STPG4: variants seen among roughly 807,000 people sequenced by gnomAD.
The protein encoded by STPG4 is protein STPG4.
STPG4 carries 41 observed loss-of-function variants against 31.5 expected under a neutral mutation model. The ratio of observed to expected loss-of-function variants is 1.30; its 90% CI spans 1.01 to 1.69. The LOEUF is 1.69. STPG4 is among the 40% of genes most tolerant of loss of function. The pLI, the probability that STPG4 is intolerant of heterozygous loss-of-function variation, is 0.00. For missense variants in STPG4, 375 were observed against 293.4 expected (o/e 1.28, Z -2.03); for synonymous variants, 141 against 103.0 (o/e 1.37, Z -2.24).
At chr2:47,090,497 G>C (rs932955316) in intron 5 of STPG4, 123 bp from the exon 6 acceptor site, 4 of 667,078 alleles carry the variant, frequency 6.0e-6, no homozygotes, top group Non-Finnish European at 1.0e-5. Flanking sequence ...CCCATATTTG[G>C]TCTCGAGAGA....
At chr2:47,120,544 G>T (rs998537652) in intron 5 of STPG4, among the ~76,000 whole-genome samples, 1 of 146,826 alleles carries the variant, frequency 6.8e-6, no homozygotes, top group Non-Finnish European at 1.5e-5. Context: ...TCCAGCCTGG[G>T]CGAAAGAGCA....
At chr2:47,148,289 AG>A (rs1686867463) in intron 3 of STPG4, among the ~76,000 whole-genome samples, 1 of 152,034 alleles carries the variant, frequency 6.6e-6, no homozygotes, top group Admixed American at 6.6e-5. Flanking sequence ...TACGGGTGAA[AG>A]GGTTGAAAAA....
intron 5 of STPG4, among the ~76,000 whole-genome samples, chr2:47,107,482 G>T (rs958124928): frequency 2.1e-4 from 32 of 152,292 alleles, no homozygotes; most frequent in Admixed American, 1.4e-3. Flanking sequence ...CCAGTGCTGC[G>T]CTCGGTTTCT....
At chr2:47,087,670 G>T (rs1034520667) in intron 6 of STPG4, among the ~76,000 whole-genome samples, 7 of 152,218 alleles carry the variant, frequency 4.6e-5, no homozygotes, top group Non-Finnish European at 1.0e-4. Context: ...GGTCAGAAGT[G>T]TTCTCAAGGG....
chr2:47,117,475 C>T (rs1195344388), intron 5 of STPG4, among the ~76,000 whole-genome samples: 1 of 152,144 alleles, frequency 6.6e-6, no homozygotes, highest in African/African-American at 2.4e-5. Context: ...TCCTAAAGTG[C>T]TGGGATAACA....
chr2:47,116,812 C>T (rs771703226), intron 5 of STPG4, among the ~76,000 whole-genome samples: 18 of 152,174 alleles, frequency 1.2e-4, no homozygotes, highest in Non-Finnish European at 4.4e-5. Context: ...AAATCCTCCA[C>T]AAAACATTTC....
Position 47,153,884 on chromosome 2 carries a change from C to T in STPG4, c.82-868G>A, listed in dbSNP as rs1327024587. On this transcript the variant is annotated intron_variant, in intron 1 of 6. Coordinates refer to ENST00000445927, the MANE Select transcript of STPG4 (RefSeq NM_001163561.2). ...ACATCCCATTTGCCAAGTTAAGAAGCTGATTATTTTGGTATTCCTCAGTTT... is the reference window on the plus strand; with the variant it reads ...ACATCCCATTTGCCAAGTTAAGAAGTTGATTATTTTGGTATTCCTCAGTTT... Among the ~76,000 whole-genome samples, 3 of 152,146 alleles carry T rather than the reference C, an allele frequency of 2.0e-5. No homozygotes were observed. In the South Asian group the frequency reaches 6.2e-4, roughly 31 times the overall value.
Position 47,155,302 on chromosome 2 carries a change from C to T in STPG4, c.-51G>A. 2.5e-6 allele frequency: 4 copies of T among 1,595,868 alleles called. No individual in the cohort carries two copies. The highest frequency in any genetic ancestry group is 8.6e-7 in the Non-Finnish European group (1 of 1,164,614). The stretch of plus-strand genomic sequence containing the variant: ...AACCTGAGCTCCGGTTGCTAGGAGG[C>T]GGGTGTGGCCCGTGGGCTCCCGAGC... On this transcript the variant is annotated 5_prime_UTR_variant, in exon 1 of 7. Transcript: ENST00000445927.
intron 5 of STPG4, among the ~76,000 whole-genome samples, chr2:47,123,547 A>G (rs749494317): frequency 6.6e-6 from 1 of 152,190 alleles, no homozygotes; most frequent in African/African-American, 2.4e-5. Context: ...AAGGAAGGGG[A>G]CAGCAAATTT....
At chr2:47,123,734 C>T (rs1217959124) in intron 5 of STPG4, among the ~76,000 whole-genome samples, 1 of 152,090 alleles carries the variant, frequency 6.6e-6, no homozygotes, top group East Asian at 1.9e-4. Flanking sequence ...TCATTCAGAG[C>T]TTATCTACTA....
chr2:47,124,620 G>T (rs1268479081), intron 5 of STPG4, among the ~76,000 whole-genome samples: 1 of 152,080 alleles, frequency 6.6e-6, no homozygotes, highest in African/African-American at 2.4e-5. Context: ...ATTTCTTATG[G>T]CTGTGTAGTA....
At chr2:47,087,795 T>C (rs921132872) in intron 6 of STPG4, among the ~76,000 whole-genome samples, 5 of 152,308 alleles carry the variant, frequency 3.3e-5, no homozygotes, top group African/African-American at 1.2e-4. Flanking sequence ...GTTGCTAGGC[T>C]GGAGTGTAGT....
intron 3 of STPG4, among the ~76,000 whole-genome samples, chr2:47,150,819 C>T (rs1264254754): frequency 6.6e-6 from 1 of 151,942 alleles, no homozygotes; most frequent in African/African-American, 2.4e-5. Flanking sequence ...TGGGTCATTT[C>T]TATAAGAAAA....
intron 3 of STPG4, among the ~76,000 whole-genome samples, chr2:47,137,038 G>A (rs1241615564): frequency 6.6e-6 from 1 of 152,150 alleles, no homozygotes; most frequent in East Asian, 1.9e-4. Flanking sequence ...AAAAGGAATG[G>A]TGAGAGAGGA....
chr2:47,106,921 T>G (rs1685924198), intron 5 of STPG4, among the ~76,000 whole-genome samples: 1 of 151,908 alleles, frequency 6.6e-6, no homozygotes, highest in Non-Finnish European at 1.5e-5. Flanking sequence ...AACTAACAAC[T>G]TCTACCGAGG....
At chr2:47,095,583 CT>C (rs1685654020) in intron 5 of STPG4, among the ~76,000 whole-genome samples, 1 of 152,140 alleles carries the variant, frequency 6.6e-6, no homozygotes, top group Non-Finnish European at 1.5e-5. Context: ...TATGGCAGCC[CT>C]AGCACATGAA....
chr2:47,106,324 G>A (rs1360713880), intron 5 of STPG4, among the ~76,000 whole-genome samples: 1 of 151,736 alleles, frequency 6.6e-6, no homozygotes, highest in Non-Finnish European at 1.5e-5. Flanking sequence ...CATTGCCCCA[G>A]GAAATCAGAC....
intron 5 of STPG4, among the ~76,000 whole-genome samples, chr2:47,093,086 C>A (rs112480026): frequency 2.1e-4 from 32 of 152,318 alleles, no homozygotes; most frequent in African/African-American, 7.2e-4. Context: ...ACACCGCACC[C>A]GGCCCTTCCA....
chr2:47,089,960 C>T (rs1685536214), intron 6 of STPG4, among the ~76,000 whole-genome samples: 2 of 152,208 alleles, frequency 1.3e-5, no homozygotes, highest in African/African-American at 4.8e-5. Context: ...TGCAGGTACC[C>T]CCAACAAAGC....
Sources: allele counts gnomAD v4.1 joint callset (sites outside exome capture counted in the v4.1 genomes callset), GRCh38; gene constraint gnomAD v4.1.1; transcripts MANE v1.5; gene names NCBI Gene and HGNC (gene_info 2026-07-23, HGNC 2026-07-21).